The following RCOR3 variants were observed in gnomAD, a reference collection of about 807,000 sequenced individuals.
RCOR3 encodes the protein REST corepressor 3.
Under a neutral mutation model 64.1 loss-of-function variants are expected in RCOR3, and 13 were observed. That is an observed-to-expected ratio of 0.20 (90% CI 0.13 to 0.32). The LOEUF is 0.32. Ranked by LOEUF, RCOR3 falls within the 10% of genes least tolerant of loss-of-function variation. The probability of loss-of-function intolerance (pLI) is 1.00; values close to 1 mark genes in which losing one functional copy is unlikely to be tolerated. For missense variants in RCOR3, 489 were observed against 701.2 expected (o/e 0.70, Z 3.42); for synonymous variants, 215 against 239.0 (o/e 0.90, Z 0.93).
intron 3 of RCOR3, chr1:211,271,617 C>T (rs1468452958): frequency 3.9e-5 from 19 of 491,916 alleles, no homozygotes; most frequent in African/African-American, 9.7e-5. Context: ...GACATCTGCC[C>T]AGGCTTTTCC....
chr1:211,292,378 A>AACT (rs1699346993), intron 8 of RCOR3, among the ~76,000 whole-genome samples: 1 of 152,240 alleles, frequency 6.6e-6, no homozygotes, highest in Non-Finnish European at 1.5e-5. Flanking sequence ...AAAACTTCTA[A>AACT]ATCATTTGCT....
chr1:211,271,120 G>A lies in RCOR3; in HGVS notation c.224-112G>A, dbSNP rs912849898. On this transcript the variant is annotated intron_variant, in intron 2 of 11. Coordinates refer to ENST00000419091, the MANE Select transcript of RCOR3 (RefSeq NM_001136223.3). ...GATCCGCCTGCCTCGGCCTCCCAAAGTACTGGGATTACAGGCATGAGCCAC... is the reference window on the plus strand; with the variant it reads ...GATCCGCCTGCCTCGGCCTCCCAAAATACTGGGATTACAGGCATGAGCCAC... 6 of 801,146 alleles carry A rather than the reference G, an allele frequency of 7.5e-6. No individual in the cohort carries two copies. The African/African-American group carries it at 1.0e-4, about 14-fold the overall frequency. 49.6% of individuals were successfully genotyped at this position (801,146 alleles called of 1,614,324 possible).
intron 9 of RCOR3, among the ~76,000 whole-genome samples, chr1:211,299,224 A>G (rs750966723): frequency 2.0e-5 from 3 of 152,228 alleles, no homozygotes; most frequent in Non-Finnish European, 2.9e-5. Context: ...GGGTATCAGT[A>G]GGGTTGGGTA....
chr1:211,306,355 T>C (rs1385257083), intron 10 of RCOR3, among the ~76,000 whole-genome samples: 1 of 152,102 alleles, frequency 6.6e-6, no homozygotes, highest in Non-Finnish European at 1.5e-5. Context: ...TTGTTTTTGT[T>C]TTTTCTTTTT....
intron 9 of RCOR3, among the ~76,000 whole-genome samples, chr1:211,298,955 T>C (rs150427200): frequency 4.0e-5 from 6 of 151,284 alleles, no homozygotes; most frequent in East Asian, 2.0e-4. Context: ...TGCAGTGAGC[T>C]GAGATCGCGC....
intron 1 of RCOR3, 188 bp downstream of exon 1, chr1:211,259,914 C>G (rs1225992367): frequency 8.8e-7 from 1 of 1,132,570 alleles, no homozygotes; most frequent in Non-Finnish European, 1.2e-6. Flanking sequence ...TCGACCAATC[C>G]TCCGCCTTTG....
chr1:211,306,763 CCTT>C (rs1361026282), intron 10 of RCOR3, among the ~76,000 whole-genome samples: 1 of 152,120 alleles, frequency 6.6e-6, no homozygotes, highest in Non-Finnish European at 1.5e-5. Flanking sequence ...AATAAGTTTC[CCTT>C]CTTTCTCTCT....
chr1:211,278,375 A>G (rs1365143198), intron 6 of RCOR3, 134 bp downstream of exon 6: 1 of 992,278 alleles, frequency 1.0e-6, no homozygotes, highest in African/African-American at 1.7e-5. Flanking sequence ...CTACTCTGAC[A>G]AGAAGAGCCA....
At chr1:211,309,621 C>T (rs1456578420) in intron 10 of RCOR3, among the ~76,000 whole-genome samples, 1 of 152,162 alleles carries the variant, frequency 6.6e-6, no homozygotes, top group African/African-American at 2.4e-5. Context: ...AGAAGTGAGA[C>T]TTTAACAACT....
intron 10 of RCOR3, among the ~76,000 whole-genome samples, chr1:211,305,953 T>TA (rs777152496): frequency 7.2e-5 from 11 of 152,186 alleles, no homozygotes; most frequent in Non-Finnish European, 1.3e-4. Context: ...CCCTGTAAGT[T>TA]ACACTAATGC....
intron 9 of RCOR3, among the ~76,000 whole-genome samples, chr1:211,299,920 A>G (rs1195774858): frequency 6.6e-6 from 1 of 152,106 alleles, no homozygotes; most frequent in Admixed American, 6.5e-5. Context: ...AGACAATATT[A>G]AAATCAATAA....
intron 7 of RCOR3, among the ~76,000 whole-genome samples, chr1:211,282,019 A>C (rs1473302362): frequency 6.6e-6 from 1 of 152,204 alleles, no homozygotes; most frequent in Non-Finnish European, 1.5e-5. Context: ...ATAAACCTGA[A>C]AACTTAAGAA....
At position 211,259,571 on chromosome 1, in the gene RCOR3, T is replaced by C; in HGVS notation, c.11T>C (p.Met4Thr). The C allele has an allele frequency of 6.5e-7, 1 of 1,545,998 alleles. No individual in the cohort carries two copies. Among genetic ancestry groups the C allele is most frequent in the South Asian group, 1.2e-5 (1 of 83,942 alleles). The change falls in exon 1 of 12, where the codon ATG (methionine) becomes ACG (threonine). Residue 4 changes from methionine (M) to threonine (T), a missense_variant. Around this residue, in one of 2 missense-constraint regions of RCOR3, gnomAD observed 87 missense variants for 84.3 expected, o/e 1.03. Transcript: ENST00000419091. ...CTCCCCTGTTCTACCATGCCCGGCA[T>C]GATGGAGAAAGGGCCCGAGTTACTG... MPG[M>T]MEKGPELLGK...
chr1:211,289,453 A>T, intron 8 of RCOR3, 57 bp downstream of exon 8: 1 of 1,355,240 alleles, frequency 7.4e-7, no homozygotes, highest in South Asian at 1.3e-5. Context: ...ATCCGCTTTT[A>T]CCTTTTACCT....
intron 9 of RCOR3, chr1:211,301,754 T>C (rs1700404859): frequency 6.6e-6 from 1 of 152,240 alleles, no homozygotes; most frequent in Non-Finnish European, 1.5e-5. Context: ...TTTTTAACTT[T>C]AAAGTTATTT....
chr1:211,308,691 T>TG (rs1422557746), intron 10 of RCOR3, among the ~76,000 whole-genome samples: 3 of 64,304 alleles, frequency 4.7e-5, no homozygotes, highest in African/African-American at 1.5e-4. Flanking sequence ...TTTGTTTTTT[T>TG]TTTTTTTTGT....
intron 5 of RCOR3, among the ~76,000 whole-genome samples, chr1:211,277,593 A>G (rs1186161264): frequency 6.6e-6 from 1 of 152,240 alleles, no homozygotes; most frequent in Non-Finnish European, 1.5e-5. Flanking sequence ...GATTCCCTTT[A>G]TGTAAAATGT....
chr1:211,307,559 T>G (rs2102658135), intron 10 of RCOR3, among the ~76,000 whole-genome samples: 1 of 152,126 alleles, frequency 6.6e-6, no homozygotes, highest in East Asian at 1.9e-4. Flanking sequence ...TAGGTGTATC[T>G]TTTTTCCTTG....
chr1:211,313,542 C>T lies in RCOR3; in HGVS notation c.1436C>T (p.Thr479Ile). Residue 479 changes from threonine to isoleucine, a missense_variant, in exon 12 of 12, where the codon ACA becomes ATA. By Grantham distance (89) the Thr-to-Ile change is moderately conservative. Coordinates refer to ENST00000419091, the MANE Select transcript of RCOR3 (RefSeq NM_001136223.3). The surrounding 1 kb of genome is among the most constrained non-coding windows in gnomAD (Gnocchi z 4.7). ...LNQPPPLLRPTLPAAPALHRQ... is the reference protein window; with the variant it reads ...LNQPPPLLRPILPAAPALHRQ... ...CAGCCTCCACCACTTCTTCGTCCAA[C>T]ACTGCCTGCTGCCCCGGCTCTTCAC... 6.2e-7 allele frequency: 1 copy of T among 1,614,202 alleles called. No homozygotes were observed. The highest frequency in any genetic ancestry group is 1.1e-5 in the South Asian group (1 of 91,082).
Sources: allele counts gnomAD v4.1 joint callset (sites outside exome capture counted in the v4.1 genomes callset), GRCh38; gene constraint gnomAD v4.1.1; regional missense constraint gnomAD v4.1.1; non-coding constraint Gnocchi (gnomAD v3.1); transcripts MANE v1.5; gene names NCBI Gene and HGNC (gene_info 2026-07-23, HGNC 2026-07-21).